Variants in MEI4 observed in about 807,000 individuals in gnomAD.
MEI4 encodes meiotic double-stranded break formation protein 4.
MEI4 carries 27 observed loss-of-function variants against 31.4 expected under a neutral mutation model. The observed-to-expected ratio is 0.86, with a 90% CI of 0.63 to 1.19. MEI4 has a LOEUF of 1.19. Among genes scored for constraint, MEI4 ranks in the 50% most tolerant of loss-of-function variants. MEI4 has a pLI of 0.00. For missense variants in MEI4, 329 were observed against 398.9 expected, an observed-to-expected ratio of 0.82 and a Z score of 1.49; for synonymous variants, 122 against 145.4, an observed-to-expected ratio of 0.84 and a Z score of 1.16.
chr6:77,900,298 A>G (rs950197185), intron 4 of MEI4, among the ~76,000 whole-genome samples: 2 of 152,026 alleles, frequency 1.3e-5, no homozygotes, highest in Non-Finnish European at 1.5e-5. Flanking sequence ...AAAATATTAA[A>G]ATATTTCTAC....
intron 2 of MEI4, among the ~76,000 whole-genome samples, chr6:77,730,967 T>G (rs976429495): frequency 2.6e-4 from 40 of 151,854 alleles, no homozygotes; most frequent in African/African-American, 4.8e-5. Flanking sequence ...CCATCATTTT[T>G]TATGGCTGCA....
chr6:77,882,327 T>A (rs1771509129), intron 4 of MEI4, among the ~76,000 whole-genome samples: 1 of 152,188 alleles, frequency 6.6e-6, no homozygotes, highest in South Asian at 2.1e-4. Context: ...CATGATTGAT[T>A]GAATCATCAA....
intron 2 of MEI4, 123 bp downstream of exon 2, chr6:77,691,026 C>T: frequency 4.5e-6 from 2 of 444,516 alleles, no homozygotes; most frequent in Non-Finnish European, 7.4e-6. Flanking sequence ...TCGACATCTT[C>T]TAGCCTTATA....
chr6:77,870,716 T>A (rs1053255786), intron 4 of MEI4, among the ~76,000 whole-genome samples: 2 of 152,024 alleles, frequency 1.3e-5, no homozygotes, highest in Non-Finnish European at 2.9e-5. Flanking sequence ...TGAAGCTTGA[T>A]ATGCTGGTTT....
chr6:77,730,451 T>C (rs964191860), intron 2 of MEI4, among the ~76,000 whole-genome samples: 3 of 152,084 alleles, frequency 2.0e-5, no homozygotes, highest in African/African-American at 7.2e-5. Context: ...TTCACTATAC[T>C]GCAAGTTTTT....
chr6:77,663,663 A>G (rs1177197167), intron 1 of MEI4, among the ~76,000 whole-genome samples: 1 of 152,168 alleles, frequency 6.6e-6, no homozygotes, highest in African/African-American at 2.4e-5. Context: ...TATGGAGGCA[A>G]GGGAAACAGG....
chr6:77,738,728 A>G (rs896231331), intron 2 of MEI4, among the ~76,000 whole-genome samples: 2 of 152,114 alleles, frequency 1.3e-5, no homozygotes, highest in Middle Eastern at 3.2e-3. Context: ...AAGCATTCCT[A>G]TTTCTCCACA....
intron 2 of MEI4, among the ~76,000 whole-genome samples, chr6:77,703,662 T>C (rs1766270220): frequency 6.6e-6 from 1 of 152,208 alleles, no homozygotes; most frequent in Non-Finnish European, 1.5e-5. Context: ...GGATTTAATA[T>C]GGATCCTAGA....
intron 2 of MEI4, among the ~76,000 whole-genome samples, chr6:77,754,833 C>G (rs1244332756): frequency 6.6e-6 from 1 of 152,082 alleles, no homozygotes; most frequent in Non-Finnish European, 1.5e-5. Flanking sequence ...ACCACCAGAT[C>G]TTGTGACAAC....
intron 2 of MEI4, among the ~76,000 whole-genome samples, chr6:77,714,236 T>TA (rs1400387590): frequency 0.02 from 1,236 of 61,368 alleles, 17 homozygotes; most frequent in African/African-American, 0.039. Context: ...ACTTAAAAAT[T>TA]TAAAAAAAAA....
At chr6:77,734,863 G>A (rs1404519360) in intron 2 of MEI4, among the ~76,000 whole-genome samples, 7 of 151,766 alleles carry the variant, frequency 4.6e-5, no homozygotes, top group African/African-American at 1.7e-4. Flanking sequence ...TTGCTTGTCT[G>A]TAAAGGATTT....
intron 3 of MEI4, among the ~76,000 whole-genome samples, chr6:77,805,114 A>G (rs1769394199): frequency 6.6e-6 from 1 of 152,206 alleles, no homozygotes; most frequent in African/African-American, 2.4e-5. Context: ...GATAAAGATT[A>G]TTTTATTGTA....
chr6:77,732,921 G>C (rs1767053898), intron 2 of MEI4, among the ~76,000 whole-genome samples: 1 of 151,038 alleles, frequency 6.6e-6, no homozygotes, highest in Admixed American at 6.7e-5. Context: ...TTTATATGCT[G>C]GTTACATTTA....
chr6:77,924,637 T>G lies in MEI4; in HGVS notation c.*1291T>G, dbSNP rs546227439. On this transcript the variant is annotated 3_prime_UTR_variant, in exon 5 of 5. Transcript: ENST00000684080. ...AGGCTTCTTGCTAAAAGTCAGGCTT[T>G]CTTCTCTTCCACATGTGCATATTCT... 5 of 151,980 alleles carry G rather than the reference T, an allele frequency of 3.3e-5. No homozygotes were observed. Among genetic ancestry groups the G allele is most frequent in the African/African-American group, 9.6e-5 (4 of 41,508 alleles). 9.4% of individuals were successfully genotyped at this position (151,980 alleles called of 1,614,324 possible).
intron 3 of MEI4, among the ~76,000 whole-genome samples, chr6:77,799,678 T>A (rs945227606): frequency 2.0e-5 from 3 of 152,140 alleles, no homozygotes; most frequent in Non-Finnish European, 2.9e-5. Flanking sequence ...GTATAAGGTG[T>A]AAGGAAGGGA....
intron 3 of MEI4, among the ~76,000 whole-genome samples, chr6:77,804,295 C>T (rs368787421): frequency 1.1e-4 from 16 of 152,178 alleles, no homozygotes; most frequent in Non-Finnish European, 2.1e-4. Flanking sequence ...TTGCTAAGAC[C>T]GTTGGAAGAG....
At chr6:77,682,821 A>C (rs1174485816) in intron 1 of MEI4, among the ~76,000 whole-genome samples, 1 of 152,090 alleles carries the variant, frequency 6.6e-6, no homozygotes, top group Non-Finnish European at 1.5e-5. Flanking sequence ...GTGTCCTTTG[A>C]ATTAGTGAAA....
chr6:77,675,131 T>C (rs1264644640), intron 1 of MEI4, among the ~76,000 whole-genome samples: 1 of 152,130 alleles, frequency 6.6e-6, no homozygotes, highest in Admixed American at 6.5e-5. Context: ...AACATGTGTC[T>C]TTTTGTATAT....
chr6:77,740,314 T>A lies in MEI4; in HGVS notation c.233-20816T>A, dbSNP rs760458521. Among the ~76,000 whole-genome samples the A allele has an allele frequency of 7.9e-5, 12 of 152,312 alleles. 1 individual carries two copies. In the South Asian group the frequency reaches 8.3e-4, roughly 11 times the overall value. Reference sequence around the variant, plus strand: ...GTTTTGAGGTAGAGAGTTCTGTAGATGTCTATCAGGTCCATTTGATCCAGT... The same window carrying A: ...GTTTTGAGGTAGAGAGTTCTGTAGAAGTCTATCAGGTCCATTTGATCCAGT... On this transcript the variant is annotated intron_variant, in intron 2 of 4. Transcript: ENST00000684080.
Sources: gnomAD v4.1 joint callset for allele counts (sites outside exome capture counted in the v4.1 genomes callset) on GRCh38, gnomAD v4.1.1 for gene constraint, MANE v1.5 for transcripts, NCBI Gene and HGNC (gene_info 2026-07-23, HGNC 2026-07-21) for gene names.